FNBP1: variants seen among roughly 807,000 people sequenced by gnomAD.
The protein encoded by FNBP1 is formin binding protein 1, also known as formin-binding protein 1.
A neutral mutation model predicts 90.6 loss-of-function variants in FNBP1; 26 were observed. The observed-to-expected ratio is 0.29, with a 90% confidence interval of 0.21 to 0.40. The LOEUF (loss-of-function observed/expected upper bound fraction) is 0.40. Ranked by LOEUF, FNBP1 falls within the 10% of genes least tolerant of loss-of-function variation. FNBP1 has a pLI of 1.00. For synonymous variants in FNBP1, 260 were observed against 265.2 expected (o/e 0.98, Z 0.19); for missense variants, 635 against 768.0 (o/e 0.83, Z 2.05).
At position 129,919,293 on chromosome 9, in the gene FNBP1, A is replaced by T. The variant is rs372243616; in HGVS notation, c.1171-3313T>A. ...GATAAAATAAATAAAATTAACCATA[A>T]GACTTTAACATATGACAAACAACTG... On this transcript the variant is annotated intron_variant, in intron 10 of 16. Coordinates refer to ENST00000446176, the MANE Select transcript of FNBP1 (RefSeq NM_015033.3). 5.7e-4 allele frequency: 533 copies of T among 934,248 alleles called. 6 individuals are homozygous for T. In the South Asian group the frequency reaches 6.5e-3, roughly 11 times the overall value. The allele number at this position is 934,248 out of a possible 1,614,324, so 57.9% of individuals were successfully genotyped here. A position where few individuals can be genotyped will look rare whatever the true frequency, so the allele number is the denominator to read the frequency against.
chr9:130,011,243 A>AATATATATAT (rs1589249829), intron 1 of FNBP1, among the ~76,000 whole-genome samples: 1 of 42,248 alleles, frequency 2.4e-5, no homozygotes, highest in African/African-American at 1.0e-4. Flanking sequence ...AAAAAAAAAA[A>AATATATATAT]ATATATATAT....
intron 4 of FNBP1, among the ~76,000 whole-genome samples, chr9:129,960,396 AAAAAAAAGAAAAAG>A (rs1476524172): frequency 0.044 from 6,361 of 144,728 alleles, 117 homozygotes; most frequent in Admixed American, 0.073. Flanking sequence ...AAAAAAAAAA[AAAAAAAAGAAAAAG>A]AAAAAGAAAA....
In FNBP1 at chr9:129,887,345, C is replaced by T. The variant is rs753422435; in HGVS notation, c.*3194G>A. 1 of 199,480 alleles carries T rather than the reference C, an allele frequency of 5.0e-6. No individual in the cohort carries two copies. The highest frequency in any genetic ancestry group is 1.0e-5 in the Non-Finnish European group (1 of 96,284). 12.4% of individuals were successfully genotyped at this position (199,480 alleles called of 1,614,324 possible). A position where few individuals can be genotyped will look rare whatever the true frequency, so the allele number is the denominator to read the frequency against. On this transcript the variant is annotated 3_prime_UTR_variant, in exon 17 of 17. Coordinates refer to ENST00000446176, the MANE Select transcript of FNBP1 (RefSeq NM_015033.3). ...GCGATCGGCCTCACACAGCAAAATGCCTCCAAAGTTTAGAATTAGTGCAAC... is the reference window on the plus strand; with the variant it reads ...GCGATCGGCCTCACACAGCAAAATGTCTCCAAAGTTTAGAATTAGTGCAAC...
chr9:130,004,054 C>T (rs2055285641), intron 1 of FNBP1, among the ~76,000 whole-genome samples: 1 of 151,960 alleles, frequency 6.6e-6, no homozygotes, highest in African/African-American at 2.4e-5. Flanking sequence ...AGGAAGTTTT[C>T]CTCCAAAGTC....
chr9:129,959,273 A>C (rs59998364), intron 4 of FNBP1, among the ~76,000 whole-genome samples: 1 of 151,104 alleles, frequency 6.6e-6, no homozygotes, highest in East Asian at 2.0e-4. Flanking sequence ...CTCCAGCCTG[A>C]GTGACAGAAT....
chr9:129,943,161 T>TAG (rs1321042044), intron 6 of FNBP1, among the ~76,000 whole-genome samples: 2 of 152,148 alleles, frequency 1.3e-5, no homozygotes, highest in Non-Finnish European at 2.9e-5. Context: ...TGTTTCTACA[T>TAG]ATCCTTCAGG....
chr9:129,911,096 A>C (rs949565234), intron 11 of FNBP1, among the ~76,000 whole-genome samples: 1 of 152,212 alleles, frequency 6.6e-6, no homozygotes, highest in African/African-American at 2.4e-5. Flanking sequence ...TCCCGACCTC[A>C]GGCGATCTGC....
intron 4 of FNBP1, among the ~76,000 whole-genome samples, chr9:129,968,018 A>G (rs1480992582): frequency 6.7e-6 from 1 of 150,010 alleles, no homozygotes; most frequent in African/African-American, 2.5e-5. Context: ...TCACCAGACC[A>G]GTGGTTTTGC....
chr9:130,000,739 C>T (rs1250450239), intron 1 of FNBP1, among the ~76,000 whole-genome samples: 1 of 152,118 alleles, frequency 6.6e-6, no homozygotes, highest in African/African-American at 2.4e-5. Context: ...TGGCAACAAA[C>T]ATTGCCAGCT....
intron 6 of FNBP1, among the ~76,000 whole-genome samples, chr9:129,941,899 C>T (rs1320360452): frequency 6.6e-6 from 1 of 152,016 alleles, no homozygotes; most frequent in East Asian, 1.9e-4. Context: ...GGCAAAACCC[C>T]ATCTCTACTA....
intron 1 of FNBP1, among the ~76,000 whole-genome samples, chr9:130,005,861 C>T (rs1432082351): frequency 6.6e-6 from 1 of 152,106 alleles, no homozygotes; most frequent in African/African-American, 2.4e-5. Flanking sequence ...ATCACAGATA[C>T]CTTATGTTTT....
chr9:130,042,901 G>A lies in FNBP1; in HGVS notation c.24+51C>T, dbSNP rs2059970087. On this transcript the variant is annotated intron_variant, in intron 1 of 16. Transcript: ENST00000446176. The surrounding 1 kb of genome is among the most constrained non-coding windows in gnomAD (Gnocchi z 5.5). ...CCGCGCCCCCTCCCCAGGCCGCGGG[G>A]AAACGCAGCGCGCGCCCCGCATCTG... 2 of 1,191,924 alleles carry A rather than the reference G, an allele frequency of 1.7e-6. No homozygotes were observed. Among genetic ancestry groups the A allele is most frequent in the Non-Finnish European group, 2.1e-6 (2 of 951,568 alleles). The allele number at this position is 1,191,924 out of a possible 1,614,324, so 73.8% of individuals were successfully genotyped here.
chr9:129,958,602 T>C (rs1279684529), intron 4 of FNBP1, 49 bp from the exon 5 acceptor site: 4 of 1,439,180 alleles, frequency 2.8e-6, no homozygotes, highest in Non-Finnish European at 3.8e-6. Flanking sequence ...GCTTCTCTTA[T>C]GAACCCAGGA....
chr9:129,929,800 G>T, intron 6 of FNBP1, 105 bp from the exon 7 acceptor site: 1 of 1,016,646 alleles, frequency 9.8e-7, no homozygotes, highest in Non-Finnish European at 1.5e-6. Flanking sequence ...CTAGGGGCCA[G>T]ATTTACCTCA....
At chr9:130,001,161 T>C (rs1344457719) in intron 1 of FNBP1, among the ~76,000 whole-genome samples, 2 of 151,804 alleles carry the variant, frequency 1.3e-5, no homozygotes, top group Non-Finnish European at 2.9e-5. Context: ...TGAAACCCCA[T>C]CTCTACTAAA....
intron 4 of FNBP1, among the ~76,000 whole-genome samples, chr9:129,960,636 AG>A (rs1019521883): frequency 1.3e-5 from 2 of 152,072 alleles, no homozygotes; most frequent in African/African-American, 4.8e-5. Context: ...GAGAAGAAAG[AG>A]GGAGTTGTAT....
intron 1 of FNBP1, among the ~76,000 whole-genome samples, chr9:130,035,321 A>C (rs949684167): frequency 2.0e-5 from 3 of 152,188 alleles, no homozygotes; most frequent in Non-Finnish European, 4.4e-5. Context: ...ATGATAAAGG[A>C]AGGCAGAGAT....
intron 6 of FNBP1, among the ~76,000 whole-genome samples, chr9:129,931,530 C>T (rs868019246): frequency 3.3e-5 from 5 of 151,830 alleles, no homozygotes; most frequent in Admixed American, 6.6e-5. Flanking sequence ...GGCGTGAACC[C>T]GGGAGGCGGA....
chr9:129,972,027 A>G (rs2049531399), intron 4 of FNBP1, among the ~76,000 whole-genome samples: 1 of 152,232 alleles, frequency 6.6e-6, no homozygotes, highest in Admixed American at 6.5e-5. Context: ...TAAGGATGGT[A>G]CTTAAGTAAG....
Sources: gnomAD v4.1 joint callset for allele counts (sites outside exome capture counted in the v4.1 genomes callset) on GRCh38, gnomAD v4.1.1 for gene constraint, Gnocchi (gnomAD v3.1) non-coding constraint, MANE v1.5 for transcripts, NCBI Gene and HGNC (gene_info 2026-07-23, HGNC 2026-07-21) for gene names.